FAM227B: variants seen among roughly 807,000 people sequenced by gnomAD.
FAM227B encodes protein FAM227B.
In FAM227B, 88 loss-of-function variants were observed where a neutral mutation model predicts 73.8. That is an observed-to-expected ratio of 1.19 (90% CI 1.00 to 1.42). The LOEUF (loss-of-function observed/expected upper bound fraction) is 1.42. Among genes scored for constraint, FAM227B ranks in the 40% most tolerant of loss-of-function variants. The pLI is 0.00. For missense variants in FAM227B, 632 were observed against 590.9 expected, an observed-to-expected ratio of 1.07 and a Z score of -0.72; for synonymous variants, 210 against 190.5, an observed-to-expected ratio of 1.10 and a Z score of -0.84.
At chr15:49,516,081 AGGTCTTCACCAGTTCTTT>A (rs1334219604) in intron 10 of FAM227B, among the ~76,000 whole-genome samples, 3 of 152,120 alleles carry the variant, frequency 2.0e-5, no homozygotes, top group Non-Finnish European at 4.4e-5. Flanking sequence ...TAGGTAAATC[AGGTCTTCACCAGTTCTTT>A]AAGGACAATA....
chr15:49,364,023 TTTG>T (rs750156250), intron 13 of FAM227B, among the ~76,000 whole-genome samples: 23 of 152,286 alleles, frequency 1.5e-4, no homozygotes, highest in Non-Finnish European at 1.8e-4. Flanking sequence ...TCGCTAGTAT[TTTG>T]TTGAGAATTT....
intron 3 of FAM227B, among the ~76,000 whole-genome samples, chr15:49,603,424 C>G (rs1002870429): frequency 6.6e-6 from 1 of 151,938 alleles, no homozygotes; most frequent in Non-Finnish European, 1.5e-5. Flanking sequence ...TTTTTAATTT[C>G]TTTTTCAGAT....
rs535120047 is a variant in FAM227B, at chr15:49,367,420, T to C, written c.1271+28A>G. 34 of 1,508,792 alleles carry C rather than the reference T, an allele frequency of 2.3e-5. No homozygotes were observed. In the South Asian group the frequency reaches 4.0e-4, roughly 18 times the overall value. 93.5% of individuals were successfully genotyped at this position (1,508,792 alleles called of 1,614,324 possible). On this transcript the variant is annotated intron_variant, in intron 13 of 15. Coordinates refer to ENST00000299338, the MANE Select transcript of FAM227B (RefSeq NM_152647.3). ...TGAATATTATTTTTGAAAGAAATTA[T>C]ATTAAAGCAAAGCTTTAAAAAGGAT...
chr15:49,415,696 C>T (rs997387815), intron 11 of FAM227B, among the ~76,000 whole-genome samples: 2 of 152,052 alleles, frequency 1.3e-5, no homozygotes. Flanking sequence ...CTCAGAGATA[C>T]AAGAGTCAAG....
At chr15:49,562,372 T>G (rs1265560629) in intron 9 of FAM227B, among the ~76,000 whole-genome samples, 1 of 151,818 alleles carries the variant, frequency 6.6e-6, no homozygotes. Flanking sequence ...TAAAAACCTA[T>G]GTACCAAAAA....
intron 10 of FAM227B, among the ~76,000 whole-genome samples, chr15:49,518,154 G>A (rs1379054564): frequency 6.6e-6 from 1 of 152,158 alleles, no homozygotes; most frequent in African/African-American, 2.4e-5. Flanking sequence ...GTACCTGGAA[G>A]TCATACATAT....
At chr15:49,489,824 A>ATATATATATAT (rs2056791197) in intron 11 of FAM227B, among the ~76,000 whole-genome samples, 2 of 21,438 alleles carry the variant, frequency 9.3e-5, no homozygotes, top group African/African-American at 1.8e-4. Context: ...TATATATTTT[A>ATATATATATAT]TATATATATA....
chr15:49,590,503 T>A (rs901370180), intron 3 of FAM227B, among the ~76,000 whole-genome samples: 12 of 152,208 alleles, frequency 7.9e-5, no homozygotes, highest in Non-Finnish European at 1.6e-4. Flanking sequence ...GGGGGAAGAT[T>A]AGAAGAGATA....
intron 14 of FAM227B, among the ~76,000 whole-genome samples, chr15:49,332,695 T>G (rs545665503): frequency 6.6e-6 from 1 of 152,346 alleles, no homozygotes; most frequent in South Asian, 2.1e-4. Context: ...ATTTAAAAAC[T>G]ATTTTTCCAT....
intron 5 of FAM227B, among the ~76,000 whole-genome samples, chr15:49,585,453 CAAT>C (rs1314585374): frequency 6.6e-6 from 1 of 152,128 alleles, no homozygotes; most frequent in Admixed American, 6.5e-5. Context: ...AAATGTCCAA[CAAT>C]GATAGACTGG....
intron 9 of FAM227B, among the ~76,000 whole-genome samples, chr15:49,557,005 C>T (rs1356805814): frequency 6.6e-6 from 1 of 152,144 alleles, no homozygotes; most frequent in Non-Finnish European, 1.5e-5. Context: ...CCCCAGGAGT[C>T]ACTGGGGCCA....
At chr15:49,398,061 TAA>T (rs1199896054) in intron 11 of FAM227B, among the ~76,000 whole-genome samples, 2 of 152,054 alleles carry the variant, frequency 1.3e-5, no homozygotes, top group Non-Finnish European at 2.9e-5. Flanking sequence ...GCAAATTGGA[TAA>T]AGAGTCAAGA....
chr15:49,620,257 T>G (rs2078605802), intron 1 of FAM227B: 1 of 152,246 alleles, frequency 6.6e-6, no homozygotes, highest in Admixed American at 6.5e-5. Flanking sequence ...TACTTGAATT[T>G]AACATGCTTT....
At chr15:49,512,538 G>T (rs529132448) in intron 10 of FAM227B, among the ~76,000 whole-genome samples, 1 of 151,798 alleles carries the variant, frequency 6.6e-6, no homozygotes, top group African/African-American at 2.4e-5. Flanking sequence ...AGATTCATAC[G>T]AATTCTTCGA....
At chr15:49,433,556 A>ACACCTCACTTCC (rs1471616937) in intron 11 of FAM227B, among the ~76,000 whole-genome samples, 1 of 151,692 alleles carries the variant, frequency 6.6e-6, no homozygotes, top group East Asian at 1.9e-4. Context: ...AAAGAGAAAT[A>ACACCTCACTTCC]CACCTCACTT....
chr15:49,478,405 T>C (rs1416256816), intron 11 of FAM227B, among the ~76,000 whole-genome samples: 1 of 152,100 alleles, frequency 6.6e-6, no homozygotes, highest in Non-Finnish European at 1.5e-5. Flanking sequence ...ATTTTTTGCA[T>C]ATATGTATAT....
chr15:49,352,142 T>G (rs557093431), intron 13 of FAM227B, among the ~76,000 whole-genome samples: 1 of 152,164 alleles, frequency 6.6e-6, no homozygotes, highest in African/African-American at 2.4e-5. Context: ...AGACTCTCCA[T>G]ATGGTCTGAA....
chr15:49,377,917 C>A (rs2151505931), intron 11 of FAM227B, among the ~76,000 whole-genome samples: 1 of 152,094 alleles, frequency 6.6e-6, no homozygotes, highest in Admixed American at 6.5e-5. Flanking sequence ...TGGGGTGTTG[C>A]TCAAAAAAAT....
At chr15:49,579,372 G>A (rs984771426) in intron 5 of FAM227B, among the ~76,000 whole-genome samples, 5 of 152,104 alleles carry the variant, frequency 3.3e-5, no homozygotes, top group African/African-American at 7.2e-5. Flanking sequence ...CACTATTCAC[G>A]ATAGCTAAGG....
Sources: gnomAD v4.1 joint callset for allele counts (sites outside exome capture counted in the v4.1 genomes callset) on GRCh38, gnomAD v4.1.1 for gene constraint, MANE v1.5 for transcripts, NCBI Gene and HGNC (gene_info 2026-07-23, HGNC 2026-07-21) for gene names.